Variants in SYN3 observed in about 807,000 individuals in gnomAD.
SYN3 encodes synapsin-3.
A neutral mutation model predicts 65.8 loss-of-function variants in SYN3; 35 were observed. The ratio of observed to expected loss-of-function variants is 0.53; its 90% CI spans 0.41 to 0.70. The LOEUF is 0.70. Ranked by LOEUF, SYN3 falls within the 30% of genes least tolerant of loss-of-function variation. The pLI, the probability that SYN3 is intolerant of heterozygous loss-of-function variation, is 0.00. For missense variants in SYN3, 680 were observed against 749.0 expected (o/e 0.91, Z 1.08); for synonymous variants, 270 against 292.9 (o/e 0.92, Z 0.80).
chr22:32,936,839 C>A (rs1176592992), intron 3 of SYN3, among the ~76,000 whole-genome samples: 2 of 152,190 alleles, frequency 1.3e-5, no homozygotes, highest in African/African-American at 4.8e-5. Flanking sequence ...ACTCTTCAAT[C>A]CCAGTTTTAC....
chr22:32,557,551 AAC>A (rs2058521855), intron 7 of SYN3, among the ~76,000 whole-genome samples: 1 of 152,224 alleles, frequency 6.6e-6, no homozygotes, highest in African/African-American at 2.4e-5. Flanking sequence ...TCTTCAAAAC[AAC>A]TGGATGAGCC....
chr22:32,579,990 GA>G (rs1304571466), intron 7 of SYN3, among the ~76,000 whole-genome samples: 1 of 152,262 alleles, frequency 6.6e-6, no homozygotes, highest in African/African-American at 2.4e-5. Flanking sequence ...TGTCAGCCTT[GA>G]AAGGCAACAC....
chr22:32,776,364 C>T (rs1047246138), intron 6 of SYN3, among the ~76,000 whole-genome samples: 4 of 152,134 alleles, frequency 2.6e-5, no homozygotes, highest in Admixed American at 1.3e-4. Flanking sequence ...CCCATTATCT[C>T]GATAAATCCT....
At chr22:32,803,434 C>A (rs1343883111) in intron 6 of SYN3, among the ~76,000 whole-genome samples, 1 of 151,984 alleles carries the variant, frequency 6.6e-6, no homozygotes. Flanking sequence ...GTGTGGTGAC[C>A]AGAATGTCAG....
At chr22:32,915,143 G>C (rs2050154521) in intron 4 of SYN3, among the ~76,000 whole-genome samples, 1 of 152,148 alleles carries the variant, frequency 6.6e-6, no homozygotes, top group South Asian at 2.1e-4. Context: ...TCTGGGAGAA[G>C]GATAGCATTA....
chr22:32,990,726 T>C (rs890452352), intron 2 of SYN3, among the ~76,000 whole-genome samples: 2 of 152,202 alleles, frequency 1.3e-5, no homozygotes, highest in African/African-American at 4.8e-5. Context: ...CACAGTCTTG[T>C]TTTGTTGCAC....
chr22:32,961,049 G>C (rs2051633228), intron 3 of SYN3, among the ~76,000 whole-genome samples: 2 of 152,112 alleles, frequency 1.3e-5, no homozygotes, highest in African/African-American at 2.4e-5. Flanking sequence ...GTCTAGAAGG[G>C]GGTTTCTCAA....
intron 6 of SYN3, among the ~76,000 whole-genome samples, chr22:32,768,802 A>G (rs1034114104): frequency 1.3e-5 from 2 of 152,054 alleles, no homozygotes; most frequent in East Asian, 3.9e-4. Context: ...TTCATCTCAC[A>G]CTTCTCATAT....
chr22:32,835,110 T>A (rs1376573802), intron 6 of SYN3, among the ~76,000 whole-genome samples: 1 of 152,194 alleles, frequency 6.6e-6, no homozygotes, highest in Non-Finnish European at 1.5e-5. Flanking sequence ...CTGAGTCAGT[T>A]CATGCAGCGG....
At chr22:32,967,095 G>A (rs890057862) in intron 3 of SYN3, among the ~76,000 whole-genome samples, 2 of 152,070 alleles carry the variant, frequency 1.3e-5, no homozygotes, top group African/African-American at 4.8e-5. Context: ...GATGAAACAC[G>A]CTAATCCATA....
At chr22:32,615,947 T>C (rs2059513915) in intron 6 of SYN3, among the ~76,000 whole-genome samples, 1 of 152,166 alleles carries the variant, frequency 6.6e-6, no homozygotes, top group African/African-American at 2.4e-5. Flanking sequence ...AGTGAACGTG[T>C]GGGAATGGAT....
intron 13 of SYN3, among the ~76,000 whole-genome samples, chr22:32,514,954 TGCAGTGAGCCGAGATGGC>T: frequency 6.6e-6 from 1 of 151,786 alleles, no homozygotes; most frequent in East Asian, 2.0e-4. Context: ...AGGCGGAGCT[TGCAGTGAGCCGAGATGGC>T]GCCACTGCAC....
At chr22:33,056,281 A>G (rs749624132) in intron 1 of SYN3, among the ~76,000 whole-genome samples, 7 of 152,222 alleles carry the variant, frequency 4.6e-5, no homozygotes, top group Non-Finnish European at 8.8e-5. Context: ...AGAAATGAAT[A>G]CTTTTAAGAT....
chr22:32,776,996 A>C (rs1019748097), intron 6 of SYN3, among the ~76,000 whole-genome samples: 1 of 152,116 alleles, frequency 6.6e-6, no homozygotes, highest in Non-Finnish European at 1.5e-5. Flanking sequence ...ACCTCACAGC[A>C]TGATCACTAG....
intron 8 of SYN3, 76 bp downstream of exon 8, chr22:32,541,495 A>C (rs894016102): frequency 6.4e-7 from 1 of 1,573,112 alleles, no homozygotes; most frequent in East Asian, 2.2e-5. Context: ...CCTTGGGTGC[A>C]GGAGACAGCG....
chr22:32,926,631 AT>A (rs2050480216), intron 4 of SYN3, among the ~76,000 whole-genome samples: 1 of 151,956 alleles, frequency 6.6e-6, no homozygotes, highest in Non-Finnish European at 1.5e-5. Flanking sequence ...TAACTTTCAA[AT>A]TTTCTATATG....
At chr22:32,954,141 A>G (rs550256196) in intron 3 of SYN3, among the ~76,000 whole-genome samples, 11 of 151,994 alleles carry the variant, frequency 7.2e-5, no homozygotes, top group Admixed American at 2.0e-4. Flanking sequence ...ACAAAACAAA[A>G]CAAAACAAAA....
chr22:32,528,230 C>T (rs896655968), intron 11 of SYN3, among the ~76,000 whole-genome samples: 10 of 152,194 alleles, frequency 6.6e-5, no homozygotes, highest in African/African-American at 1.9e-4. Flanking sequence ...AAGCCTGCCC[C>T]GTGCCCCTTC....
At chr22:32,602,883 T>A (rs1340445095) in intron 6 of SYN3, among the ~76,000 whole-genome samples, 2 of 152,232 alleles carry the variant, frequency 1.3e-5, no homozygotes, top group Non-Finnish European at 2.9e-5. Context: ...TCATTAAACA[T>A]CTTTGTACAC....
Sources: gnomAD v4.1 joint callset for allele counts (sites outside exome capture counted in the v4.1 genomes callset) on GRCh38, gnomAD v4.1.1 for gene constraint, MANE v1.5 for transcripts, NCBI Gene and HGNC (gene_info 2026-07-23, HGNC 2026-07-21) for gene names.